Variants in ACVR2B observed in about 807,000 individuals in gnomAD.
ACVR2B encodes the protein activin A receptor type 2B, also known as activin receptor type-2B.
Under a neutral mutation model 65.1 loss-of-function variants are expected in ACVR2B, and 18 were observed. The ratio of observed to expected loss-of-function variants is 0.28; its 90% CI spans 0.19 to 0.41. The LOEUF (loss-of-function observed/expected upper bound fraction) is 0.41. ACVR2B is among the 10% of genes least tolerant of loss of function. ACVR2B has a pLI of 1.00. For missense variants in ACVR2B, 482 were observed against 682.7 expected (o/e 0.71, Z 3.28); for synonymous variants, 298 against 277.7 (o/e 1.07, Z -0.73).
intron 1 of ACVR2B, among the ~76,000 whole-genome samples, chr3:38,466,568 A>T (rs1188926332): frequency 2.0e-5 from 3 of 149,128 alleles, no homozygotes; most frequent in African/African-American, 7.4e-5. Context: ...CAGTGGGGCC[A>T]TCTTGGCTCA....
intron 1 of ACVR2B, chr3:38,474,893 C>T (rs1249464699): frequency 1.3e-5 from 2 of 152,220 alleles, no homozygotes; most frequent in African/African-American, 4.8e-5. Flanking sequence ...TTACGCTAAG[C>T]CTAGAAGCCA....
chr3:38,483,389 AG>A lies in ACVR2B; in HGVS notation c.*58del, dbSNP rs1710055372. On this transcript the variant is annotated 3_prime_UTR_variant, in exon 11 of 11. Transcript: ENST00000352511. This position sits in a 1 kb window ranked among gnomAD's most constrained non-coding sequence, Gnocchi z 4.8. ...TGGATCTGAAGAAAAAAGGAAAAAA[AG>A]TTGTGTTTTGTTTTGGAAATCCCAT... 1.3e-6 allele frequency: 2 copies of A among 1,595,736 alleles called. No homozygotes were observed. The highest frequency in any genetic ancestry group is 3.3e-5 in the Admixed American group (2 of 59,792).
chr3:38,471,252 A>G (rs1178369128), intron 1 of ACVR2B, among the ~76,000 whole-genome samples: 1 of 152,228 alleles, frequency 6.6e-6, no homozygotes, highest in Non-Finnish European at 1.5e-5. Flanking sequence ...AAAATGAGAA[A>G]AGATACAAAC....
rs1385728026 is a variant in ACVR2B at position 38,491,297 on chromosome 3, C to G, written c.*7965C>G. 4 of 152,656 alleles carry G rather than the reference C, an allele frequency of 2.6e-5. No homozygotes were observed. The highest frequency in any genetic ancestry group is 5.9e-5 in the Non-Finnish European group (4 of 68,050). 9.5% of individuals were successfully genotyped at this position (152,656 alleles called of 1,614,324 possible). A position where few individuals can be genotyped will look rare whatever the true frequency, so the allele number is the denominator to read the frequency against. On this transcript the variant is annotated 3_prime_UTR_variant, in exon 11 of 11. Transcript: ENST00000352511. ...CAGACCAAGATTAAAAGTGGTAACT[C>G]AGCTATACGAGCATGGGCTACCTTC...
At chr3:38,480,747 TA>T (rs1280310065) in intron 7 of ACVR2B, among the ~76,000 whole-genome samples, 1 of 152,216 alleles carries the variant, frequency 6.6e-6, no homozygotes, top group African/African-American at 2.4e-5. Context: ...ACCTAGTAAG[TA>T]TGCCAGGTGT....
rs59689293 is a variant in ACVR2B, at chr3:38,459,787, C to T, written c.52+5413C>T. On this transcript the variant is annotated intron_variant, in intron 1 of 10. Coordinates refer to ENST00000352511, the MANE Select transcript of ACVR2B (RefSeq NM_001106.4). ...TGTGGACCTGGGGAGGTGTGGGCAG[C>T]GCTGCCTTAGACAGGCAGCCGACAC... The T allele has an allele frequency of 8.0e-4, 446 of 560,064 alleles. 1 individual carries two copies. In the African/African-American group the frequency reaches 8.4e-3, roughly 11 times the overall value. 34.7% of individuals were successfully genotyped at this position (560,064 alleles called of 1,614,324 possible).
chr3:38,458,935 A>G (rs578046264), intron 1 of ACVR2B, among the ~76,000 whole-genome samples: 2 of 152,200 alleles, frequency 1.3e-5, no homozygotes, highest in South Asian at 4.2e-4. Flanking sequence ...GCATTGTAGG[A>G]TATTTAGCAG....
intron 1 of ACVR2B, among the ~76,000 whole-genome samples, chr3:38,473,049 G>A (rs1348087621): frequency 6.6e-6 from 1 of 152,212 alleles, no homozygotes; most frequent in Non-Finnish European, 1.5e-5. Flanking sequence ...CTGTGTGTTT[G>A]TGTGAGGGTC....
At chr3:38,478,050 G>A in intron 3 of ACVR2B, 80 bp downstream of exon 3, 1 of 1,595,716 alleles carries the variant, frequency 6.3e-7, no homozygotes, top group East Asian at 2.2e-5. Flanking sequence ...CTCCTCAGTT[G>A]GGTGGGGTGT....
intron 1 of ACVR2B, among the ~76,000 whole-genome samples, chr3:38,469,634 A>C (rs755225854): frequency 1.3e-5 from 2 of 152,210 alleles, no homozygotes; most frequent in Non-Finnish European, 2.9e-5. Flanking sequence ...AAGTGGTTCC[A>C]AATAGTTAAT....
chr3:38,454,465 G>A (rs956870978), intron 1 of ACVR2B, 91 bp downstream of exon 1: 2 of 1,118,284 alleles, frequency 1.8e-6, no homozygotes, highest in African/African-American at 1.6e-5. Flanking sequence ...GGGCGGGCCC[G>A]GGGCCTCGTC....
Position 38,477,218 on chromosome 3 carries a change from A to C in ACVR2B, c.53-69A>C. On this transcript the variant is annotated intron_variant, in intron 1 of 10. Coordinates refer to ENST00000352511, the MANE Select transcript of ACVR2B (RefSeq NM_001106.4). This position sits in a 1 kb window ranked among gnomAD's most constrained non-coding sequence, Gnocchi z 6.7. ...CCCTCAGGGTGGCCTGGCACCCAGG[A>C]CTGGGAGTAGGGGTTTGGGTGGTGG... is the stretch of plus-strand genomic sequence containing the variant. 1 of 1,578,112 alleles carries C rather than the reference A, an allele frequency of 6.3e-7. No homozygotes were observed. The highest frequency in any genetic ancestry group is 8.7e-7 in the Non-Finnish European group (1 of 1,154,586).
At position 38,478,355 on chromosome 3, in the gene ACVR2B, T is replaced by C; in HGVS notation, c.523-20T>C. On this transcript the variant is annotated intron_variant, in intron 4 of 10. Coordinates refer to ENST00000352511, the MANE Select transcript of ACVR2B (RefSeq NM_001106.4). ...GTGGGGAGGACAGGCCAGACCTTTTTAAGCCTTGCTCTCCCCCAGGACCCT... is the reference window on the plus strand; with the variant it reads ...GTGGGGAGGACAGGCCAGACCTTTTCAAGCCTTGCTCTCCCCCAGGACCCT... The C allele has an allele frequency of 8.1e-6, 13 of 1,614,006 alleles. No homozygotes were observed. The highest frequency in any genetic ancestry group is 1.1e-5 in the Non-Finnish European group (13 of 1,179,966).
rs760346747 is a variant in ACVR2B at position 38,477,399 on chromosome 3, G to A, written c.165G>A (p.Lys55=). Reference sequence around the variant, plus strand: ...AGCGCTGCGAAGGCGAGCAGGACAAGCGGCTGCACTGCTACGCCTCCTGGC... The same window carrying A: ...AGCGCTGCGAAGGCGAGCAGGACAAACGGCTGCACTGCTACGCCTCCTGGC... ...GLERCEGEQD[K]RLHCYASWRN... Residue 55 remains lysine, a synonymous_variant, in exon 2 of 11, where the codon AAG becomes AAA. Coordinates refer to ENST00000352511, the MANE Select transcript of ACVR2B (RefSeq NM_001106.4). This position sits in a 1 kb window ranked among gnomAD's most constrained non-coding sequence, Gnocchi z 6.7. 2.5e-6 allele frequency: 4 copies of A among 1,614,172 alleles called. No individual in the cohort carries two copies. Among genetic ancestry groups the A allele is most frequent in the Admixed American group, 1.7e-5 (1 of 60,030 alleles).
chr3:38,465,097 T>A (rs1001694642), intron 1 of ACVR2B, among the ~76,000 whole-genome samples: 3 of 151,912 alleles, frequency 2.0e-5, no homozygotes, highest in Non-Finnish European at 4.4e-5. Flanking sequence ...CATATACATA[T>A]TTAAAAATAG....
Position 38,477,807 on chromosome 3 carries a change from G to T in ACVR2B, c.261-54G>T. ...AGGAGGGGTTGGCAGGGCAGGCCTGGGGGAGTCTTGCATCCCCCAGGTGAG... is the reference window on the plus strand; with the variant it reads ...AGGAGGGGTTGGCAGGGCAGGCCTGTGGGAGTCTTGCATCCCCCAGGTGAG... On this transcript the variant is annotated intron_variant, in intron 2 of 10. Coordinates refer to ENST00000352511, the MANE Select transcript of ACVR2B (RefSeq NM_001106.4). This position sits in a 1 kb window ranked among gnomAD's most constrained non-coding sequence, Gnocchi z 6.7. 1 of 1,564,918 alleles carries T rather than the reference G, an allele frequency of 6.4e-7. No individual in the cohort carries two copies. Among genetic ancestry groups the T allele is most frequent in the Middle Eastern group, 1.7e-4 (1 of 5,940 alleles).
rs1407779954 is a variant in ACVR2B, at chr3:38,483,470, TATTATTATA to T, written c.*156_*164del. On this transcript the variant is annotated 3_prime_UTR_variant, in exon 11 of 11. Coordinates refer to ENST00000352511, the MANE Select transcript of ACVR2B (RefSeq NM_001106.4). This position sits in a 1 kb window ranked among gnomAD's most constrained non-coding sequence, Gnocchi z 4.8. Reference sequence around the variant, plus strand: ...CTATTTTACCTTGACTTTTTATTATTATTATTATAATTATTATAATTATTATTATTAATA... The same window carrying T: ...CTATTTTACCTTGACTTTTTATTATTATTATTATAATTATTATTATTAATA... 1.2e-4 allele frequency: 54 copies of T among 454,978 alleles called. No homozygotes were observed. Among genetic ancestry groups the T allele is most frequent in the Non-Finnish European group, 1.6e-4 (43 of 272,728 alleles). The allele number at this position is 454,978 out of a possible 1,614,324, so 28.2% of individuals were successfully genotyped here.
Position 38,481,493 on chromosome 3 carries a change from A to AGGGAC in ACVR2B, c.1074+29_1074+33dup. The AGGGAC allele has an allele frequency of 1.9e-6, 3 of 1,585,486 alleles. No individual in the cohort carries two copies. The South Asian group carries it at 3.3e-5, about 18-fold the overall frequency. ...AACAGGCCTCACAGGGCAGGAAGAGAGGGACAGACCCAGGGTAGATACTTT... is the reference window on the plus strand; with the variant it reads ...AACAGGCCTCACAGGGCAGGAAGAGAGGGACGGGACAGACCCAGGGTAGATACTTT... On this transcript the variant is annotated intron_variant, in intron 8 of 10. Transcript: ENST00000352511. This position sits in a 1 kb window ranked among gnomAD's most constrained non-coding sequence, Gnocchi z 4.7.
intron 1 of ACVR2B, among the ~76,000 whole-genome samples, chr3:38,455,200 G>A (rs544436739): frequency 1.3e-5 from 2 of 152,200 alleles, no homozygotes; most frequent in Admixed American, 1.3e-4. Flanking sequence ...CGCCTGGAAA[G>A]CTTGTTTCTC....
Sources: gnomAD v4.1 joint callset for allele counts (sites outside exome capture counted in the v4.1 genomes callset) on GRCh38, gnomAD v4.1.1 for gene constraint, Gnocchi (gnomAD v3.1) non-coding constraint, MANE v1.5 for transcripts, NCBI Gene and HGNC (gene_info 2026-07-23, HGNC 2026-07-21) for gene names.